Variants in CHL1 observed in about 807,000 individuals in gnomAD.
CHL1 encodes the protein neural cell adhesion molecule L1-like protein.
In CHL1, 96 loss-of-function variants were observed where a neutral mutation model predicts 141.9. That is an observed-to-expected ratio of 0.68 (90% CI 0.57 to 0.80). The LOEUF (loss-of-function observed/expected upper bound fraction) is 0.80, where lower values mean the gene tolerates loss of function less well. CHL1 is among the 30% of genes least tolerant of loss of function. The pLI is 0.00. For missense variants in CHL1, 1,820 were observed against 1,457.2 expected, an observed-to-expected ratio of 1.25 and a Z score of -4.05; for synonymous variants, 613 against 502.2, an observed-to-expected ratio of 1.22 and a Z score of -2.95.
intron 1 of CHL1, among the ~76,000 whole-genome samples, chr3:214,594 T>C (rs528307839): frequency 6.6e-6 from 1 of 152,334 alleles, no homozygotes; most frequent in Non-Finnish European, 1.5e-5. Flanking sequence ...ATTACATTTA[T>C]AATTTTAAGA....
intron 2 of CHL1, among the ~76,000 whole-genome samples, chr3:293,661 G>C (rs1300391474): frequency 6.6e-6 from 1 of 152,148 alleles, no homozygotes; most frequent in Non-Finnish European, 1.5e-5. Flanking sequence ...ATACTACCCA[G>C]TTTCCTGCAA....
rs528973576 is a variant in CHL1 at position 224,031 on chromosome 3, G to A, written c.-174-20582G>A. 2.6e-5 allele frequency among the ~76,000 whole-genome samples: 4 copies of A among 152,276 alleles called. No homozygotes were observed. In the South Asian group the frequency reaches 8.3e-4, roughly 32 times the overall value. ...CACAATAATGATGTTACCTATAGGAGCAATTGGGAAGGTTACAAATCTTGT... is the reference window on the plus strand; with the variant it reads ...CACAATAATGATGTTACCTATAGGAACAATTGGGAAGGTTACAAATCTTGT... On this transcript the variant is annotated intron_variant, in intron 1 of 27. Coordinates refer to ENST00000256509, the MANE Select transcript of CHL1 (RefSeq NM_006614.4).
intron 2 of CHL1, among the ~76,000 whole-genome samples, chr3:316,837 T>A (rs1700187300): frequency 6.6e-6 from 1 of 152,030 alleles, no homozygotes. Flanking sequence ...ATCCTGAGTT[T>A]CAACAATTGC....
intron 2 of CHL1, among the ~76,000 whole-genome samples, chr3:289,800 A>G (rs1697506270): frequency 6.6e-6 from 1 of 151,850 alleles, no homozygotes; most frequent in Non-Finnish European, 1.5e-5. Context: ...ATCTTATTTA[A>G]TACATATTGT....
At position 346,495 on chromosome 3, in the gene CHL1, G is replaced by T. The variant is rs376509307; in HGVS notation, c.848+1786G>T. Among the ~76,000 whole-genome samples the T allele has an allele frequency of 5.9e-5, 9 of 152,280 alleles. 1 individual carries two copies. Among genetic ancestry groups the T allele is most frequent in the African/African-American group, 2.2e-4 (9 of 41,554 alleles). ...TTCTTTTTTCTTATTTCCCACAAATGCCTTCACTGACCTCTTGGATTGACT... is the reference window on the plus strand; with the variant it reads ...TTCTTTTTTCTTATTTCCCACAAATTCCTTCACTGACCTCTTGGATTGACT... On this transcript the variant is annotated intron_variant, in intron 9 of 27. Transcript: ENST00000256509.
intron 2 of CHL1, among the ~76,000 whole-genome samples, chr3:252,371 T>TATAC (rs1553596138): frequency 8.5e-6 from 1 of 117,952 alleles, no homozygotes; most frequent in Non-Finnish European, 1.9e-5. Flanking sequence ...GATATATATA[T>TATAC]ATATATATAT....
At chr3:352,095 A>G (rs1411162400) in intron 10 of CHL1, among the ~76,000 whole-genome samples, 2 of 152,162 alleles carry the variant, frequency 1.3e-5, no homozygotes, top group Non-Finnish European at 2.9e-5. Context: ...TTTATATGTA[A>G]TTATAGAGCC....
chr3:328,248 G>A lies in CHL1; in HGVS notation c.279G>A (p.Arg93=), dbSNP rs13318299. The change falls in exon 5 of 28, where the codon AGG becomes AGA. Residue 93 remains arginine (R), a synonymous_variant. Transcript: ENST00000256509. ...CATCGAACAATTCAGGAACATTCAG[G>A]ATCCCAAACGAGGGGCACATATCTC... is the stretch of plus-strand genomic sequence containing the variant. ...IIPSNNSGTF[R]IPNEGHISHF... The A allele has an allele frequency of 5.0e-4, 814 of 1,612,890 alleles. 5 individuals carry two copies. The African/African-American group carries it at 9.4e-3, about 19-fold the overall frequency.
chr3:273,706 G>A (rs1013621063), intron 2 of CHL1, among the ~76,000 whole-genome samples: 1 of 152,026 alleles, frequency 6.6e-6, no homozygotes, highest in Admixed American at 6.6e-5. Context: ...AAGAATAAGG[G>A]TATATATCTC....
At chr3:213,230 G>A (rs1271718280) in intron 1 of CHL1, 1 of 152,164 alleles carries the variant, frequency 6.6e-6, no homozygotes, top group Non-Finnish European at 1.5e-5. Flanking sequence ...ATAATTCACA[G>A]AGAATTGATT....
chr3:267,954 A>G (rs886576043), intron 2 of CHL1, among the ~76,000 whole-genome samples: 2 of 152,176 alleles, frequency 1.3e-5, no homozygotes, highest in Admixed American at 6.5e-5. Flanking sequence ...CTTTGTGTTG[A>G]TGATCAATTC....
intron 1 of CHL1, among the ~76,000 whole-genome samples, chr3:207,693 G>C (rs1461710022): frequency 6.6e-6 from 1 of 152,156 alleles, no homozygotes. Context: ...GAAGATCTGA[G>C]TGAATGGATA....
intron 1 of CHL1, among the ~76,000 whole-genome samples, chr3:208,129 C>A (rs561048201): frequency 2.6e-5 from 4 of 152,126 alleles, no homozygotes; most frequent in Non-Finnish European, 1.5e-5. Context: ...TCCTGTTTTA[C>A]CAGCTGTAAA....
intron 19 of CHL1, among the ~76,000 whole-genome samples, chr3:386,120 A>G (rs531412347): frequency 2.0e-4 from 30 of 151,226 alleles, no homozygotes; most frequent in African/African-American, 7.0e-4. Context: ...ACAATCAGAT[A>G]GTATTGTGAA....
chr3:266,311 G>T (rs1374977312), intron 2 of CHL1, among the ~76,000 whole-genome samples: 1 of 152,016 alleles, frequency 6.6e-6, no homozygotes, highest in Non-Finnish European at 1.5e-5. Context: ...ATGCACCAGC[G>T]AGCGACAAAT....
chr3:226,442 A>G (rs972018185), intron 1 of CHL1, among the ~76,000 whole-genome samples: 2 of 146,776 alleles, frequency 1.4e-5, no homozygotes, highest in Non-Finnish European at 3.0e-5. Context: ...TAATTTTATT[A>G]TTATTATTAT....
intron 5 of CHL1, among the ~76,000 whole-genome samples, chr3:335,894 G>C (rs1327236243): frequency 1.3e-5 from 2 of 152,150 alleles, no homozygotes; most frequent in Non-Finnish European, 2.9e-5. Flanking sequence ...TGTGCGTTTG[G>C]CTGTACCATG....
intron 10 of CHL1, among the ~76,000 whole-genome samples, chr3:350,994 C>T (rs1470830388): frequency 2.6e-5 from 4 of 152,076 alleles, no homozygotes; most frequent in Non-Finnish European, 5.9e-5. Context: ...CCCCCTCCTC[C>T]CCTCCCTGGC....
chr3:355,360 G>T (rs1299410439), intron 11 of CHL1, among the ~76,000 whole-genome samples: 1 of 152,016 alleles, frequency 6.6e-6, no homozygotes, highest in Admixed American at 6.5e-5. Context: ...GGTCCACCCT[G>T]AGCCCACTCC....
Sources: allele counts gnomAD v4.1 joint callset (sites outside exome capture counted in the v4.1 genomes callset), GRCh38; gene constraint gnomAD v4.1.1; transcripts MANE v1.5; gene names NCBI Gene and HGNC (gene_info 2026-07-23, HGNC 2026-07-21).